Variants in KLF10 observed in about 807,000 individuals in gnomAD.
KLF10 encodes the protein Krueppel-like factor 10.
KLF10 carries 17 observed loss-of-function variants against 31.6 expected under a neutral mutation model. The observed-to-expected ratio is 0.54, with a 90% CI of 0.37 to 0.81. The LOEUF is 0.81. Among genes scored for constraint, KLF10 ranks in the 30% least tolerant of loss-of-function variants. KLF10 has a pLI of 0.00. For synonymous variants in KLF10, 239 were observed against 215.1 expected (o/e 1.11, Z -0.97); for missense variants, 525 against 598.1 (o/e 0.88, Z 1.27).
At chr8:102,652,466 GC>G in intron 1 of KLF10, 69 bp from the exon 2 acceptor site, 3 of 658,672 alleles carry the variant, frequency 4.6e-6, no homozygotes, top group South Asian at 5.9e-5. Context: ...AGAAAAATGA[GC>G]AAATTTTTTT....
chr8:102,653,534 TAA>T, intron 1 of KLF10: 1 of 1,498,616 alleles, frequency 6.7e-7, no homozygotes, highest in Middle Eastern at 1.7e-4. Flanking sequence ...AGAGATTGTG[TAA>T]AAATACCAAA....
chr8:102,655,652 G>T lies in KLF10; in HGVS notation c.-51C>A. ...AAGCTGACTGGCTGCTAGGCTGCTG[G>T]CTGCTTGGCCACAGACGGGCGCACG... is the stretch of plus-strand genomic sequence containing the variant. On this transcript the variant is annotated 5_prime_UTR_variant, in exon 1 of 4. Transcript: ENST00000285407. 1 of 1,607,582 alleles carries T rather than the reference G, an allele frequency of 6.2e-7. No homozygotes were observed. Among genetic ancestry groups the T allele is most frequent in the Non-Finnish European group, 8.5e-7 (1 of 1,176,412 alleles).
chr8:102,652,442 T>A, intron 1 of KLF10, 45 bp from the exon 2 acceptor site: 1 of 1,108,880 alleles, frequency 9.0e-7, no homozygotes, highest in Non-Finnish European at 1.3e-6. Context: ...TTTTTTGTCA[T>A]CCAAATGACA....
intron 1 of KLF10, chr8:102,653,475 C>T (rs1298899248): frequency 4.5e-6 from 7 of 1,548,812 alleles, no homozygotes; most frequent in Non-Finnish European, 6.1e-6. Context: ...CTCACCATTT[C>T]TCCTATTTTC....
At position 102,653,107 on chromosome 8, in the gene KLF10, G is replaced by C. The variant is rs1222629131; in HGVS notation, c.37-710C>G. Among the ~76,000 whole-genome samples the C allele has an allele frequency of 3.9e-5, 6 of 152,208 alleles. No homozygotes were observed. The East Asian group carries it at 9.6e-4, about 24-fold the overall frequency. On this transcript the variant is annotated intron_variant, in intron 1 of 3. Transcript: ENST00000285407. ...AATTTGATCACTTGATTATGGTAAA[G>C]AAAAATCAAGTGATATACATAGAAA...
In KLF10 at chr8:102,648,790, A is replaced by C. The variant is rs1193852783; in HGVS notation, c.*1342T>G. On this transcript the variant is annotated 3_prime_UTR_variant, in exon 4 of 4. Coordinates refer to ENST00000285407, the MANE Select transcript of KLF10 (RefSeq NM_005655.4). ...ATGCAATGACCATTCCATATACCAA[A>C]GGGAATTCTTTATTGTAAACAAGAT... is the stretch of plus-strand genomic sequence containing the variant. 1 of 152,656 alleles carries C rather than the reference A, an allele frequency of 6.6e-6. No individual in the cohort carries two copies. Among genetic ancestry groups the C allele is most frequent in the Non-Finnish European group, 1.5e-5 (1 of 68,034 alleles). The allele number at this position is 152,656 out of a possible 1,614,324, so 9.5% of individuals were successfully genotyped here.
At position 102,655,631 on chromosome 8, in the gene KLF10, T is replaced by C. The variant is rs1406835321; in HGVS notation, c.-30A>G. 6.2e-7 allele frequency: 1 copy of C among 1,612,812 alleles called. No homozygotes were observed. Among genetic ancestry groups the C allele is most frequent in the African/African-American group, 1.3e-5 (1 of 74,906 alleles). On this transcript the variant is annotated 5_prime_UTR_variant, in exon 1 of 4. Transcript: ENST00000285407. The stretch of plus-strand genomic sequence containing the variant: ...GGCTGCTTGGCCGCCGGCGGCAAGC[T>C]GACTGGCTGCTAGGCTGCTGGCTGC...
Position 102,649,991 on chromosome 8 carries a change from G to A in KLF10, c.*141C>T, listed in dbSNP as rs3191333. The A allele has an allele frequency of 0.35, 379,972 of 1,092,662 alleles. 67,889 individuals are homozygous for A. The highest frequency in any genetic ancestry group is 0.4 in the Middle Eastern group (1,298 of 3,270). 67.7% of individuals were successfully genotyped at this position (1,092,662 alleles called of 1,614,324 possible). On this transcript the variant is annotated 3_prime_UTR_variant, in exon 4 of 4. Transcript: ENST00000285407. ...AAGCCCTTTTAGTCACCTAACCCAG[G>A]CGGGGCCTTCGTGCCAGGCTGTGGG...
rs1827147582 is a variant in KLF10 at position 102,649,219 on chromosome 8, A to G, written c.*913T>C. 1 of 152,782 alleles carries G rather than the reference A, an allele frequency of 6.5e-6. No homozygotes were observed. The highest frequency in any genetic ancestry group is 1.5e-5 in the Non-Finnish European group (1 of 68,024). 9.5% of individuals were successfully genotyped at this position (152,782 alleles called of 1,614,324 possible). On this transcript the variant is annotated 3_prime_UTR_variant, in exon 4 of 4. Transcript: ENST00000285407. ...CATTATATCCTCATAACATAAAGGT[A>G]CTTTACTGATGACATAAGCCATCTT...
chr8:102,652,127 T>TAGACGTA (rs1221432001), intron 2 of KLF10, 37 bp downstream of exon 2: 4 of 1,483,738 alleles, frequency 2.7e-6, no homozygotes, highest in Non-Finnish European at 2.7e-6. Context: ...TAAGAAATTA[T>TAGACGTA]ATAATTTACG....
chr8:102,652,272 A>C lies in KLF10; in HGVS notation c.162T>G (p.Ser54=), dbSNP rs1827234382. 2 of 1,613,494 alleles carry C rather than the reference A, an allele frequency of 1.2e-6. No individual in the cohort carries two copies. Among genetic ancestry groups the C allele is most frequent in the African/African-American group, 2.7e-5 (2 of 74,924 alleles). The part of the protein sequence containing the change: ...ALMSMSCSWK[S]DFKKYVENRP... ...TGTTTTCAACGTATTTCTTAAAATC[A>C]GACTTCCAACTGCAGCTCATTGACA... The change falls in exon 2 of 4, where the codon TCT becomes TCG. Residue 54 remains serine (S), a synonymous_variant. Coordinates refer to ENST00000285407, the MANE Select transcript of KLF10 (RefSeq NM_005655.4).
At position 102,651,793 on chromosome 8, in the gene KLF10, T is replaced by C. The variant is rs745923868; in HGVS notation, c.539A>G (p.Tyr180Cys). 5.0e-6 allele frequency: 8 copies of C among 1,614,092 alleles called. No individual in the cohort carries two copies. The African/African-American group carries it at 8.0e-5, about 16-fold the overall frequency. Reference protein sequence around the residue: ...CPMKAASILNYQNNSFRRRTH... With the variant: ...CPMKAASILNCQNNSFRRRTH... ...TCTTCTTCTAAAAGAATTGTTCTGATAGTTGAGGATGCTGGCTGCTTTCAT... is the reference window on the plus strand; with the variant it reads ...TCTTCTTCTAAAAGAATTGTTCTGACAGTTGAGGATGCTGGCTGCTTTCAT... The change falls in exon 3 of 4, where the codon TAT (tyrosine) becomes TGT (cysteine). Residue 180 changes from tyrosine (Y) to cysteine (C), a missense_variant. Physicochemically the swap from Tyr to Cys is radical, Grantham distance 194. Around this residue, in one of 3 missense-constraint regions of KLF10, gnomAD observed 434 missense variants for 450.7 expected, o/e 0.96. Transcript: ENST00000285407.
At position 102,655,665 on chromosome 8, in the gene KLF10, AG is replaced by A; in HGVS notation, c.-65del. On this transcript the variant is annotated 5_prime_UTR_variant, in exon 1 of 4. Transcript: ENST00000285407. Reference sequence around the variant, plus strand: ...GCTAGGCTGCTGGCTGCTTGGCCACAGACGGGCGCACGGAGACACTCGACGC... The same window carrying A: ...GCTAGGCTGCTGGCTGCTTGGCCACAACGGGCGCACGGAGACACTCGACGC... The A allele has an allele frequency of 1.9e-6, 3 of 1,587,530 alleles. No homozygotes were observed. Among genetic ancestry groups the A allele is most frequent in the Admixed American group, 3.5e-5 (2 of 57,124 alleles).
At chr8:102,654,786 C>T (rs1223280791) in intron 1 of KLF10, among the ~76,000 whole-genome samples, 2 of 151,998 alleles carry the variant, frequency 1.3e-5, no homozygotes, top group Admixed American at 6.5e-5. Context: ...CACCTTCCCG[C>T]CCCAGCTGCT....
intron 1 of KLF10, chr8:102,654,221 C>T (rs932424303): frequency 6.7e-6 from 1 of 148,354 alleles, no homozygotes; most frequent in South Asian, 2.1e-4. Context: ...CGGGCCCCCG[C>T]CCGCGCCCGA....
At position 102,655,658 on chromosome 8, in the gene KLF10, T is replaced by G. The variant is rs1049428418; in HGVS notation, c.-57A>C. 2 of 1,603,586 alleles carry G rather than the reference T, an allele frequency of 1.2e-6. No homozygotes were observed. The highest frequency in any genetic ancestry group is 1.7e-6 in the Non-Finnish European group (2 of 1,173,816). Reference sequence around the variant, plus strand: ...ACTGGCTGCTAGGCTGCTGGCTGCTTGGCCACAGACGGGCGCACGGAGACA... The same window carrying G: ...ACTGGCTGCTAGGCTGCTGGCTGCTGGGCCACAGACGGGCGCACGGAGACA... On this transcript the variant is annotated 5_prime_UTR_variant, in exon 1 of 4. Coordinates refer to ENST00000285407, the MANE Select transcript of KLF10 (RefSeq NM_005655.4).
intron 1 of KLF10, chr8:102,653,906 G>A: frequency 3.4e-6 from 2 of 581,454 alleles, no homozygotes; most frequent in Non-Finnish European, 4.3e-6. Flanking sequence ...GGCGGGGGCG[G>A]ACGGCGGGGG....
chr8:102,654,019 C>T (rs1273026902), intron 1 of KLF10: 98 of 982,392 alleles, frequency 1.0e-4, no homozygotes, highest in Non-Finnish European at 1.2e-4. Flanking sequence ...CGTCCCCGCG[C>T]CCCTGCCCCC....
chr8:102,650,150 G>C lies in KLF10; in HGVS notation c.1425C>G (p.Thr475=). Residue 475 remains threonine (T), a synonymous_variant, in exon 4 of 4, where the codon ACC becomes ACG. Transcript: ENST00000285407. The stretch of plus-strand genomic sequence containing the variant: ...CGGTCTGTCACTGTGTGGGAGCAGG[G>C]GTTGGAGGTAGAGCAATGTCATTTA... ...SKLNDIALPP[T]PAPTQ 1 of 1,614,178 alleles carries C rather than the reference G, an allele frequency of 6.2e-7. No individual in the cohort carries two copies. The highest frequency in any genetic ancestry group is 2.2e-5 in the East Asian group (1 of 44,882).
Sources: gnomAD v4.1 joint callset for allele counts (sites outside exome capture counted in the v4.1 genomes callset) on GRCh38, gnomAD v4.1.1 for gene constraint, gnomAD v4.1.1 regional missense constraint, MANE v1.5 for transcripts, NCBI Gene and HGNC (gene_info 2026-07-23, HGNC 2026-07-21) for gene names.